The following ZNF705G variants were observed in gnomAD, a reference collection of about 807,000 sequenced individuals.
The protein encoded by ZNF705G is putative zinc finger protein 705G.
In ZNF705G, 23 loss-of-function variants were observed where a neutral mutation model predicts 19.6. The observed-to-expected ratio is 1.17, with a 90% CI of 0.84 to 1.66. The LOEUF is 1.66. ZNF705G is among the 40% of genes most tolerant of loss of function. ZNF705G has a pLI of 0.00. For missense variants in ZNF705G, 457 were observed against 354.4 expected (o/e 1.29, Z -2.32); for synonymous variants, 146 against 117.7 (o/e 1.24, Z -1.56).
rs1486799727 is a variant in ZNF705G, at chr8:7,357,411, C to T, written c.*565G>A. On this transcript the variant is annotated 3_prime_UTR_variant, in exon 7 of 7. Transcript: ENST00000400156. The stretch of plus-strand genomic sequence containing the variant: ...TGGTGCTTGGCTGAATGTTCATTCA[C>T]AGAAAATACAAATAAAGGGTTCATC... 1 of 160,508 alleles carries T rather than the reference C, an allele frequency of 6.2e-6. No individual in the cohort carries two copies. The highest frequency in any genetic ancestry group is 1.3e-5 in the Non-Finnish European group (1 of 74,120). The allele number at this position is 160,508 out of a possible 1,614,324, so 9.9% of individuals were successfully genotyped here.
rs1806241004 is a variant in ZNF705G at position 7,356,330 on chromosome 8, A to T, written c.*1646T>A. ...GTAATAACTCAGGACTTACCAGAAT[A>T]AAATGTGGGGTGTTATGAGATGAAC... On this transcript the variant is annotated 3_prime_UTR_variant, in exon 7 of 7. Coordinates refer to ENST00000400156, the MANE Select transcript of ZNF705G (RefSeq NM_001164457.3). 6.7e-6 allele frequency: 1 copy of T among 149,614 alleles called. No individual in the cohort carries two copies. The highest frequency in any genetic ancestry group is 1.5e-5 in the Non-Finnish European group (1 of 68,136). 9.3% of individuals were successfully genotyped at this position (149,614 alleles called of 1,614,324 possible).
intron 2 of ZNF705G, among the ~76,000 whole-genome samples, chr8:7,365,349 G>T (rs184577019): frequency 6.8e-6 from 1 of 146,560 alleles, no homozygotes; most frequent in Admixed American, 6.7e-5. Context: ...GCACAGCTTA[G>T]TATCTCCCTC....
At chr8:7,378,146 C>T (rs1373355099) in intron 2 of ZNF705G, among the ~76,000 whole-genome samples, 2 of 146,690 alleles carry the variant, frequency 1.4e-5, no homozygotes, top group African/African-American at 2.7e-5. Context: ...TGTGGGAAGA[C>T]CACTCCCCTT....
intron 2 of ZNF705G, among the ~76,000 whole-genome samples, chr8:7,365,892 G>T (rs1459333052): frequency 6.7e-6 from 1 of 149,450 alleles, no homozygotes; most frequent in Non-Finnish European, 1.5e-5. Flanking sequence ...AAAAATAACT[G>T]ATGTCTATAT....
At chr8:7,361,760 T>C (rs1413958364) in intron 3 of ZNF705G, among the ~76,000 whole-genome samples, 1 of 149,202 alleles carries the variant, frequency 6.7e-6, no homozygotes, top group Non-Finnish European at 1.5e-5. Flanking sequence ...GTTTCCTATC[T>C]AGCAAATATT....
intron 2 of ZNF705G, among the ~76,000 whole-genome samples, chr8:7,379,859 G>A (rs1240594993): frequency 1.4e-5 from 2 of 146,400 alleles, no homozygotes; most frequent in Admixed American, 6.6e-5. Flanking sequence ...GGCAGCTGTG[G>A]CACAATGCCA....
At chr8:7,359,087 A>G (rs1806440656) in intron 6 of ZNF705G, among the ~76,000 whole-genome samples, 1 of 149,612 alleles carries the variant, frequency 6.7e-6, no homozygotes, top group South Asian at 2.1e-4. Flanking sequence ...AAATGCATGA[A>G]TGACTATTTT....
intron 2 of ZNF705G, among the ~76,000 whole-genome samples, chr8:7,373,864 G>A (rs1807169940): frequency 1.2e-5 from 1 of 83,938 alleles, no homozygotes; most frequent in Non-Finnish European, 2.3e-5. Context: ...GACATGCTTT[G>A]GAGAAGTGTG....
Position 7,358,537 on chromosome 8 carries a change from A to G in ZNF705G, c.342T>C (p.Asp114=), listed in dbSNP as rs537276203. The G allele has an allele frequency of 1.0e-5, 16 of 1,607,360 alleles. No individual in the cohort carries two copies. The East Asian group carries it at 3.3e-4, about 34-fold the overall frequency. The part of the protein sequence containing the change: ...MTMENSLILE[D]PFECNDSGED... ...CTCCCGAATCATTACATTCAAAAGG[A>G]TCCTCCAGAATGAGAGAGTTCTCCT... The change falls in exon 7 of 7, where the codon GAT becomes GAC. Residue 114 remains aspartate, a synonymous_variant. Coordinates refer to ENST00000400156, the MANE Select transcript of ZNF705G (RefSeq NM_001164457.3).
In ZNF705G at chr8:7,356,326, G is replaced by A. The variant is rs1484352373; in HGVS notation, c.*1650C>T. 1.3e-5 allele frequency: 2 copies of A among 149,584 alleles called. No individual in the cohort carries two copies. The highest frequency in any genetic ancestry group is 2.9e-5 in the Non-Finnish European group (2 of 68,128). The allele number at this position is 149,584 out of a possible 1,614,324, so 9.3% of individuals were successfully genotyped here. A position where few individuals can be genotyped will look rare whatever the true frequency, so the allele number is the denominator to read the frequency against. Reference sequence around the variant, plus strand: ...CTGTGTAATAACTCAGGACTTACCAGAATAAAATGTGGGGTGTTATGAGAT... The same window carrying A: ...CTGTGTAATAACTCAGGACTTACCAAAATAAAATGTGGGGTGTTATGAGAT... On this transcript the variant is annotated 3_prime_UTR_variant, in exon 7 of 7. Transcript: ENST00000400156.
At chr8:7,376,870 A>T (rs1222053948) in intron 2 of ZNF705G, among the ~76,000 whole-genome samples, 1 of 132,490 alleles carries the variant, frequency 7.5e-6, no homozygotes, top group African/African-American at 3.2e-5. Flanking sequence ...ATAATCTATC[A>T]TATAGAGAGA....
rs971012378 is a variant in ZNF705G at position 7,365,994 on chromosome 8, T to G, written c.-71-2977A>C. ...AGATTCTCTCACTTCTCAACACCAG[T>G]GCTATACAATGTTGAATGACATCTC... On this transcript the variant is annotated intron_variant, in intron 2 of 6. Coordinates refer to ENST00000400156, the MANE Select transcript of ZNF705G (RefSeq NM_001164457.3). 4.7e-5 allele frequency among the ~76,000 whole-genome samples: 7 copies of G among 149,498 alleles called. 2 individuals are homozygous for G. The highest frequency in any genetic ancestry group is 1.8e-4 in the African/African-American group (7 of 38,934).
chr8:7,376,733 A>G (rs1807254650), intron 2 of ZNF705G, among the ~76,000 whole-genome samples: 2 of 150,336 alleles, frequency 1.3e-5, no homozygotes, highest in Non-Finnish European at 2.9e-5. Flanking sequence ...AATGGCACAG[A>G]TATATTTATG....
chr8:7,381,975 G>A (rs1455698769), intron 1 of ZNF705G, among the ~76,000 whole-genome samples: 1 of 152,208 alleles, frequency 6.6e-6, no homozygotes, highest in East Asian at 1.9e-4. Context: ...AAATCCAGAA[G>A]CAGCAGTTTA....
chr8:7,366,669 A>T (rs1806871406), intron 2 of ZNF705G, among the ~76,000 whole-genome samples: 1 of 149,842 alleles, frequency 6.7e-6, no homozygotes, highest in Non-Finnish European at 1.5e-5. Context: ...CGTTATTTTT[A>T]AAAAATAATC....
rs1176142465 is a variant in ZNF705G, at chr8:7,376,725, T to G, written c.-72+4727A>C. Among the ~76,000 whole-genome samples, 451 of 150,152 alleles carry G rather than the reference T, an allele frequency of 3.0e-3. 3 individuals are homozygous for G. The highest frequency in any genetic ancestry group is 0.011 in the African/African-American group (423 of 39,660). On this transcript the variant is annotated intron_variant, in intron 2 of 6. Transcript: ENST00000400156. ...TGAAGTCTCAGGGTGTAACAAGTAA[T>G]GGCACAGATATATTTATGTATTAAA...
At chr8:7,365,649 C>A (rs763459454) in intron 2 of ZNF705G, among the ~76,000 whole-genome samples, 1 of 149,386 alleles carries the variant, frequency 6.7e-6, no homozygotes, top group Non-Finnish European at 1.5e-5. Flanking sequence ...GGATTACAGG[C>A]GTGAGCCACC....
intron 2 of ZNF705G, among the ~76,000 whole-genome samples, chr8:7,366,182 C>T (rs537429125): frequency 7.0e-5 from 6 of 85,322 alleles, no homozygotes; most frequent in East Asian, 3.1e-4. Context: ...GACGGGATTG[C>T]AAGTCAGATT....
intron 2 of ZNF705G, among the ~76,000 whole-genome samples, chr8:7,379,533 G>A (rs1200692403): frequency 6.8e-6 from 1 of 147,208 alleles, no homozygotes; most frequent in Non-Finnish European, 1.5e-5. Context: ...CTTGAAGAGG[G>A]CATGAAAGAG....
Sources: allele counts gnomAD v4.1 joint callset (sites outside exome capture counted in the v4.1 genomes callset), GRCh38; gene constraint gnomAD v4.1.1; transcripts MANE v1.5; gene names NCBI Gene and HGNC (gene_info 2026-07-23, HGNC 2026-07-21).